Variants in TAS2R1 observed in about 807,000 individuals in gnomAD.
The protein encoded by TAS2R1 is taste 2 receptor member 1, also known as taste receptor type 2 member 1.
For synonymous variants in TAS2R1, 141 were observed against 134.2 expected (o/e 1.05, Z -0.35); for missense variants, 370 against 353.4 (o/e 1.05, Z -0.38).
the TAS2R1 span, among the ~76,000 whole-genome samples, chr5:9,848,458 T>G: frequency 6.6e-6 from 1 of 152,214 alleles, no homozygotes; most frequent in Non-Finnish European, 1.5e-5. Context: ...ATGCCGATTT[T>G]ACTCCAAATT....
At position 9,637,371 on chromosome 5, in the gene TAS2R1, G is replaced by C. The variant is rs191807309; in HGVS notation, c.-80-7379C>G. On this transcript the variant is annotated intron_variant, in intron 2 of 2. Transcript: ENST00000506620. ...CACAGCTCTTAAGATTCTTTCCTTT[G>C]TCTTGACTTTAGATAACTTGGTGAC... 3.1e-4 allele frequency among the ~76,000 whole-genome samples: 47 copies of C among 152,110 alleles called. 3 individuals carry two copies. The East Asian group carries it at 8.9e-3, about 29-fold the overall frequency.
the TAS2R1 span, among the ~76,000 whole-genome samples, chr5:9,824,421 C>A: frequency 2.0e-5 from 3 of 152,220 alleles, no homozygotes; most frequent in Admixed American, 6.5e-5. Flanking sequence ...ATGTGGCCAA[C>A]TGCTTCCTCA....
the TAS2R1 span, among the ~76,000 whole-genome samples, chr5:9,818,018 C>T: frequency 6.6e-6 from 1 of 152,124 alleles, no homozygotes. Flanking sequence ...TCCCTCTACA[C>T]ATGGGGATTA....
chr5:9,790,952 T>G, the TAS2R1 span, among the ~76,000 whole-genome samples: 1 of 152,062 alleles, frequency 6.6e-6, no homozygotes, highest in African/African-American at 2.4e-5. Flanking sequence ...TAAAATAATA[T>G]TTGTTTATCA....
chr5:9,702,363 T>A (rs1741505675), intron 1 of TAS2R1, among the ~76,000 whole-genome samples: 1 of 152,060 alleles, frequency 6.6e-6, no homozygotes, highest in Admixed American at 6.6e-5. Flanking sequence ...ATCACACTGG[T>A]TGGGGGAGAG....
At chr5:9,703,913 C>T (rs1335464045) in intron 1 of TAS2R1, among the ~76,000 whole-genome samples, 1 of 152,118 alleles carries the variant, frequency 6.6e-6, no homozygotes, top group Admixed American at 6.5e-5. Context: ...TATCCTAAGT[C>T]CAAGATTTTA....
chr5:9,705,014 CAT>C (rs1741574118), intron 1 of TAS2R1, among the ~76,000 whole-genome samples: 2 of 152,160 alleles, frequency 1.3e-5, no homozygotes, highest in African/African-American at 2.4e-5. Flanking sequence ...GCTAAGCACT[CAT>C]TAGTGGCTAA....
the TAS2R1 span, among the ~76,000 whole-genome samples, chr5:9,837,318 G>A: frequency 1.3e-5 from 2 of 152,146 alleles, no homozygotes; most frequent in African/African-American, 4.8e-5. Context: ...GTGACGGATG[G>A]GGTCCTAGAA....
At chr5:9,633,763 TG>T (rs1739920088), upstream of TAS2R1, among the ~76,000 whole-genome samples, 1 of 152,090 alleles carries the variant, frequency 6.6e-6, no homozygotes, top group South Asian at 2.1e-4. Context: ...TGTCTATTCA[TG>T]TCCTTTGCCC....
the TAS2R1 span, among the ~76,000 whole-genome samples, chr5:9,737,262 G>A: frequency 9.2e-5 from 14 of 152,200 alleles, no homozygotes; most frequent in South Asian, 4.2e-4. Context: ...TCACAATGGG[G>A]GTGTTCACTT....
the TAS2R1 span, among the ~76,000 whole-genome samples, chr5:9,784,532 G>A: frequency 1.3e-5 from 2 of 152,356 alleles, no homozygotes; most frequent in Middle Eastern, 3.4e-3. Flanking sequence ...TCAACCTTAT[G>A]CATAAGAATC....
chr5:9,687,754 A>G (rs1240828176), intron 1 of TAS2R1, among the ~76,000 whole-genome samples: 2 of 152,162 alleles, frequency 1.3e-5, no homozygotes, highest in East Asian at 1.9e-4. Context: ...AAGCCACTGT[A>G]TGTTCTGTGA....
At chr5:9,820,387 C>T in the TAS2R1 span, among the ~76,000 whole-genome samples, 1 of 152,114 alleles carries the variant, frequency 6.6e-6, no homozygotes, top group Non-Finnish European at 1.5e-5. Context: ...CCAAAGTGTT[C>T]ATTGTGGAAT....
At chr5:9,838,932 G>C in the TAS2R1 span, among the ~76,000 whole-genome samples, 6 of 152,236 alleles carry the variant, frequency 3.9e-5, no homozygotes, top group African/African-American at 9.6e-5. Context: ...TGGATGGTTA[G>C]AAGGCTCTGG....
At chr5:9,707,766 C>A (rs1741647337) in intron 1 of TAS2R1, among the ~76,000 whole-genome samples, 2 of 152,028 alleles carry the variant, frequency 1.3e-5, no homozygotes, top group African/African-American at 2.4e-5. Context: ...TTCTGTGTAA[C>A]CTCATGGAAC....
the TAS2R1 span, chr5:9,902,513 C>T: frequency 1.3e-5 from 2 of 152,050 alleles, no homozygotes; most frequent in African/African-American, 4.8e-5. Context: ...GTCACCACTC[C>T]ACCTTAACAA....
the TAS2R1 span, among the ~76,000 whole-genome samples, chr5:9,738,150 G>GT: frequency 1.4e-4 from 22 of 152,086 alleles, no homozygotes; most frequent in Non-Finnish European, 2.6e-4. Flanking sequence ...CAAGAGCTGA[G>GT]TTTTTTTCTC....
chr5:9,826,098 C>T, the TAS2R1 span, among the ~76,000 whole-genome samples: 1 of 151,648 alleles, frequency 6.6e-6, no homozygotes, highest in Non-Finnish European at 1.5e-5. Flanking sequence ...TTACATTTAA[C>T]ATTTACATTA....
intron 1 of TAS2R1, among the ~76,000 whole-genome samples, chr5:9,667,691 A>C (rs753029561): frequency 6.6e-6 from 1 of 152,182 alleles, no homozygotes. Flanking sequence ...GAGTGAACTA[A>C]AATTGAAGCC....
Sources: allele counts gnomAD v4.1 joint callset (sites outside exome capture counted in the v4.1 genomes callset), GRCh38; gene constraint gnomAD v4.1.1; transcripts MANE v1.5; gene names NCBI Gene and HGNC (gene_info 2026-07-23, HGNC 2026-07-21).